The following CYP4F2 variants were observed in gnomAD, a reference collection of about 807,000 sequenced individuals.
The protein encoded by CYP4F2 is cytochrome P450 4F2.
CYP4F2 carries 58 observed loss-of-function variants against 58.9 expected under a neutral mutation model. The observed-to-expected ratio is 0.98, with a 90% CI of 0.80 to 1.23. CYP4F2 has a LOEUF of 1.23. CYP4F2 is among the 50% of genes most tolerant of loss of function. The pLI, the probability that CYP4F2 is intolerant of heterozygous loss-of-function variation, is 0.00. For missense variants in CYP4F2, 616 were observed against 685.6 expected, an observed-to-expected ratio of 0.90 and a Z score of 1.13; for synonymous variants, 287 against 261.1, an observed-to-expected ratio of 1.10 and a Z score of -0.95.
chr19:15,891,856 G>A (rs1330632428), intron 5 of CYP4F2, among the ~76,000 whole-genome samples: 1 of 152,128 alleles, frequency 6.6e-6, no homozygotes, highest in Admixed American at 6.5e-5. Flanking sequence ...GTCAACACCT[G>A]CAAGGCTGCC....
chr19:15,891,684 C>T (rs1186251289), intron 5 of CYP4F2, among the ~76,000 whole-genome samples: 1 of 152,136 alleles, frequency 6.6e-6, no homozygotes, highest in African/African-American at 2.4e-5. Context: ...TAAGCCTTGT[C>T]TTACTCCTTG....
rs747503126 is a variant in CYP4F2 at position 15,879,817 on chromosome 19, G to C, written c.1196C>G (p.Ser399Cys). The change falls in exon 10 of 13, where the codon TCC becomes TGC. Residue 399 changes from serine (S) to cysteine (C), a missense_variant. By Grantham distance (112) the Ser-to-Cys change is moderately radical. Transcript: ENST00000221700. Reference sequence around the variant, plus strand: ...CACAATGTCCTGGGTGACATGGCGGGAGATGACCGGGACTGGGGGATGCAG... The same window carrying C: ...CACAATGTCCTGGGTGACATGGCGGCAGATGACCGGGACTGGGGGATGCAG... ...LRLHPPVPVI[S>C]RHVTQDIVLP... The C allele has an allele frequency of 6.2e-7, 1 of 1,614,182 alleles. No homozygotes were observed. Among genetic ancestry groups the C allele is most frequent in the Non-Finnish European group, 8.5e-7 (1 of 1,180,028 alleles).
chr19:15,886,030 G>A lies in CYP4F2; in HGVS notation c.1009C>T (p.Leu337Phe), dbSNP rs911508609. The A allele has an allele frequency of 6.2e-7, 1 of 1,613,904 alleles. No individual in the cohort carries two copies. Among genetic ancestry groups the A allele is most frequent in the African/African-American group, 1.3e-5 (1 of 74,920 alleles). Residue 337 changes from leucine (L) to phenylalanine (F), a missense_variant, in exon 9 of 13, where the codon CTC becomes TTC. Coordinates refer to ENST00000221700, the MANE Select transcript of CYP4F2 (RefSeq NM_001082.5). Reference protein sequence around the residue: ...FEGHDTTASGLSWVLYHLAKH... With the variant: ...FEGHDTTASGFSWVLYHLAKH... ...GCAAGGTGGTACAGGACCCAGGAGA[G>A]ACCACTGGCCGTGGTGTCATGGCCT... is the stretch of plus-strand genomic sequence containing the variant.
At chr19:15,890,779 G>T (rs1468600542) in intron 5 of CYP4F2, among the ~76,000 whole-genome samples, 1 of 152,156 alleles carries the variant, frequency 6.6e-6, no homozygotes, top group Non-Finnish European at 1.5e-5. Context: ...TAGAAACTCT[G>T]CTCCACCTCG....
chr19:15,881,419 T>A (rs532239866), intron 9 of CYP4F2, among the ~76,000 whole-genome samples: 1 of 152,166 alleles, frequency 6.6e-6, no homozygotes, highest in Non-Finnish European at 1.5e-5. Flanking sequence ...GATTCAGAGA[T>A]AGATGATAGA....
chr19:15,881,267 GAATA>G (rs950762228), intron 9 of CYP4F2, among the ~76,000 whole-genome samples: 4 of 152,112 alleles, frequency 2.6e-5, no homozygotes, highest in African/African-American at 9.7e-5. Flanking sequence ...GGAATGAGCT[GAATA>G]AATAAGGAAT....
At chr19:15,889,776 A>C in intron 6 of CYP4F2, 83 bp from the exon 7 acceptor site, 1 of 1,564,016 alleles carries the variant, frequency 6.4e-7, no homozygotes, top group Non-Finnish European at 8.7e-7. Context: ...GCCAGGATCT[A>C]CCTCCTATCA....
At chr19:15,897,046 A>G (rs774754885) in intron 2 of CYP4F2, among the ~76,000 whole-genome samples, 14 of 152,184 alleles carry the variant, frequency 9.2e-5, no homozygotes, top group Non-Finnish European at 1.5e-4. Flanking sequence ...TAGTCCAGGC[A>G]AGGAGAGGAC....
rs1286953495 is a variant in CYP4F2 at position 15,896,065 on chromosome 19, TATCTATCCATCCATCC to T, written c.199-431_199-416del. Among the ~76,000 whole-genome samples, 118 of 128,102 alleles carry T rather than the reference TATCTATCCATCCATCC, an allele frequency of 9.2e-4. 2 individuals are homozygous for T. The highest frequency in any genetic ancestry group is 3.8e-3 in the Middle Eastern group (1 of 262). The allele number at this position is 128,102 out of a possible 152,430, so 84.0% of individuals were successfully genotyped here. ...CCATATGTCCTATTATTTGTCTATC[TATCTATCCATCCATCC>T]ATCCATCCATCCATCCATCCATCCA... On this transcript the variant is annotated intron_variant, in intron 2 of 12. Coordinates refer to ENST00000221700, the MANE Select transcript of CYP4F2 (RefSeq NM_001082.5).
rs534485608 is a variant in CYP4F2 at position 15,881,524 on chromosome 19, T to C, written c.1116-1627A>G. Among the ~76,000 whole-genome samples, 4 of 151,716 alleles carry C rather than the reference T, an allele frequency of 2.6e-5. 1 individual carries two copies. The South Asian group carries it at 8.3e-4, about 32-fold the overall frequency. On this transcript the variant is annotated intron_variant, in intron 9 of 12. Coordinates refer to ENST00000221700, the MANE Select transcript of CYP4F2 (RefSeq NM_001082.5). Reference sequence around the variant, plus strand: ...TAGAAACAGAGATACATAGATGATATATAGATAGTAGATAGGTATATAGAT... The same window carrying C: ...TAGAAACAGAGATACATAGATGATACATAGATAGTAGATAGGTATATAGAT...
rs763633789 is a variant in CYP4F2 at position 15,889,588 on chromosome 19, A to G, written c.753T>C (p.Pro251=). 2.2e-5 allele frequency: 35 copies of G among 1,614,178 alleles called. No homozygotes were observed. Among genetic ancestry groups the G allele is most frequent in the Non-Finnish European group, 2.8e-5 (33 of 1,180,040 alleles). The change falls in exon 7 of 13, where the codon CCT becomes CCC. Residue 251 remains proline (P), a synonymous_variant. Transcript: ENST00000221700. ...AGGCCCTGCGGAAACGCTGCCCATCAGGGGTGAGATAATACAGGAAGTCAA... is the reference window on the plus strand; with the variant it reads ...AGGCCCTGCGGAAACGCTGCCCATCGGGGGTGAGATAATACAGGAAGTCAA... The part of the protein sequence containing the change: ...LHIDFLYYLT[P]DGQRFRRACR...
chr19:15,886,584 TACTG>T, intron 7 of CYP4F2: 1 of 421,670 alleles, frequency 2.4e-6, no homozygotes, highest in Non-Finnish European at 4.2e-6. Flanking sequence ...GAGAAAAAGT[TACTG>T]GCAACCTGAG....
intron 6 of CYP4F2, among the ~76,000 whole-genome samples, chr19:15,889,946 T>A (rs935449956): frequency 6.6e-6 from 1 of 152,036 alleles, no homozygotes; most frequent in Non-Finnish European, 1.5e-5. Context: ...ATTCTCCTAT[T>A]CTCTCTTTCC....
Position 15,878,698 on chromosome 19 carries a change from A to G in CYP4F2, c.*73T>C, listed in dbSNP as rs368339487. 1.4e-5 allele frequency: 22 copies of G among 1,584,584 alleles called. No individual in the cohort carries two copies. The African/African-American group carries it at 1.6e-4, about 12-fold the overall frequency. ...ATACAGGACTGTGGAACAGGGTCTT[A>G]GGGTAATTCTAGGCTTCACTTTTGA... On this transcript the variant is annotated 3_prime_UTR_variant, in exon 13 of 13. Transcript: ENST00000221700.
intron 9 of CYP4F2, among the ~76,000 whole-genome samples, chr19:15,883,531 A>C (rs1246385955): frequency 1.3e-5 from 2 of 152,336 alleles, no homozygotes; most frequent in Non-Finnish European, 2.9e-5. Flanking sequence ...GTTGGCAGGA[A>C]TATAAATTAG....
intron 5 of CYP4F2, among the ~76,000 whole-genome samples, chr19:15,891,003 T>C (rs2089413142): frequency 6.6e-6 from 1 of 152,250 alleles, no homozygotes. Context: ...TTTCCCCGTC[T>C]GCATTGTTAT....
At chr19:15,879,693 G>A (rs773865990) in intron 10 of CYP4F2, 25 bp from the exon 11 acceptor site, 1 of 1,614,156 alleles carries the variant, frequency 6.2e-7, no homozygotes, top group South Asian at 1.1e-5. Flanking sequence ...GGAGCAGTCA[G>A]GAGAAGGCCT....
Position 15,886,229 on chromosome 19 carries a change from C to G in CYP4F2, c.985+13G>C. 6.2e-7 allele frequency: 1 copy of G among 1,614,088 alleles called. No homozygotes were observed. The highest frequency in any genetic ancestry group is 1.3e-5 in the African/African-American group (1 of 75,030). On this transcript the variant is annotated intron_variant, in intron 8 of 12. Coordinates refer to ENST00000221700, the MANE Select transcript of CYP4F2 (RefSeq NM_001082.5). Reference sequence around the variant, plus strand: ...TCCCGGTCCCCTCTCTAGCCCCACACTGGGGCCCTCACCCTCAAACATAAA... The same window carrying G: ...TCCCGGTCCCCTCTCTAGCCCCACAGTGGGGCCCTCACCCTCAAACATAAA...
At chr19:15,883,061 T>C (rs2089354870) in intron 9 of CYP4F2, among the ~76,000 whole-genome samples, 1 of 152,136 alleles carries the variant, frequency 6.6e-6, no homozygotes, top group African/African-American at 2.4e-5. Context: ...AGGACATGGG[T>C]CCAGGCAAAG....
Sources: allele counts gnomAD v4.1 joint callset (sites outside exome capture counted in the v4.1 genomes callset), GRCh38; gene constraint gnomAD v4.1.1; transcripts MANE v1.5; gene names NCBI Gene and HGNC (gene_info 2026-07-23, HGNC 2026-07-21).